GCNT4: variants seen among roughly 807,000 people sequenced by gnomAD.
GCNT4 encodes glucosaminyl (N-acetyl) transferase 4, also known as beta-1,3-galactosyl-O-glycosyl-glycoprotein beta-1,6-N-acetylglucosaminyltransferase 4.
Under a neutral mutation model 31.3 loss-of-function variants are expected in GCNT4, and 17 were observed. That is an observed-to-expected ratio of 0.54 (90% CI 0.37 to 0.81). The LOEUF is 0.81. GCNT4 is among the 40% of genes least tolerant of loss of function. The pLI is 0.00. For missense variants in GCNT4, 503 were observed against 525.5 expected, an observed-to-expected ratio of 0.96 and a Z score of 0.42; for synonymous variants, 158 against 190.6, an observed-to-expected ratio of 0.83 and a Z score of 1.41.
At chr5:75,041,887 T>C (rs1420206222) in intron 3 of GCNT4, among the ~76,000 whole-genome samples, 2 of 152,192 alleles carry the variant, frequency 1.3e-5, no homozygotes. Context: ...ACAATGAAAC[T>C]GAATGAAAAG....
chr5:75,020,379 G>A (rs890921215), downstream of GCNT4, among the ~76,000 whole-genome samples: 8 of 152,164 alleles, frequency 5.3e-5, no homozygotes, highest in Admixed American at 2.0e-4. Context: ...GCAGACAGAG[G>A]GGGAGCCAGG....
rs1351783123 is a variant in GCNT4, at chr5:75,027,338, A to AT, written c.*1337dup. ...TATATATAATATATATTCATATACAATATATGTATATATAATATATATATT... is the reference window on the plus strand; with the variant it reads ...TATATATAATATATATTCATATACAATTATATGTATATATAATATATATATT... On this transcript the variant is annotated 3_prime_UTR_variant, in exon 4 of 4. Transcript: ENST00000652361. The AT allele has an allele frequency of 3.5e-5, 1 of 28,612 alleles. No homozygotes were observed. Among genetic ancestry groups the AT allele is most frequent in the Non-Finnish European group, 4.9e-5 (1 of 20,520 alleles). The allele number at this position is 28,612 out of a possible 1,614,324, so 1.8% of individuals were successfully genotyped here.
rs55942109 is a variant in GCNT4, at chr5:75,032,872, G to GGTGGGGGTGTGT, written c.-1-2835_-1-2834insACACACCCCCAC. 1.6e-4 allele frequency among the ~76,000 whole-genome samples: 21 copies of GGTGGGGGTGTGT among 130,760 alleles called. No individual in the cohort carries two copies. The South Asian group carries it at 3.2e-3, about 20-fold the overall frequency. 85.8% of individuals were successfully genotyped at this position (130,760 alleles called of 152,430 possible). ...AGAAGACTAATCAATCCCAAATAGG[G>GGTGGGGGTGTGT]GTGTGTGTGTGTGTGTGTGTGTGTG... On this transcript the variant is annotated intron_variant, in intron 3 of 3. Coordinates refer to ENST00000652361, the MANE Select transcript of GCNT4 (RefSeq NM_001366737.1).
intron 3 of GCNT4, among the ~76,000 whole-genome samples, chr5:75,036,504 G>T (rs146619304): frequency 6.6e-6 from 1 of 152,260 alleles, no homozygotes; most frequent in Non-Finnish European, 1.5e-5. Flanking sequence ...AGAATATAAA[G>T]AAAAAATTCT....
At chr5:75,045,737 G>A (rs769092447) in intron 3 of GCNT4, among the ~76,000 whole-genome samples, 37 of 152,180 alleles carry the variant, frequency 2.4e-4, no homozygotes, top group Non-Finnish European at 4.4e-4. Context: ...CATGTGCTAG[G>A]GAGGCACTGT....
At chr5:75,033,593 T>C (rs1210035972) in intron 3 of GCNT4, among the ~76,000 whole-genome samples, 2 of 152,066 alleles carry the variant, frequency 1.3e-5, no homozygotes, top group African/African-American at 4.8e-5. Flanking sequence ...CCCTCTCCAA[T>C]ATTACCCTGT....
In GCNT4 at chr5:75,028,642, C is replaced by T. The variant is rs772111955; in HGVS notation, c.*34G>A. On this transcript the variant is annotated 3_prime_UTR_variant, in exon 4 of 4. Coordinates refer to ENST00000652361, the MANE Select transcript of GCNT4 (RefSeq NM_001366737.1). ...TCAATTCCACACTGACTCCATTTAT[C>T]AGGCACCCTCTTATTTCCATCCTGA... 9.6e-6 allele frequency: 15 copies of T among 1,569,180 alleles called. No homozygotes were observed. The highest frequency in any genetic ancestry group is 8.6e-7 in the Non-Finnish European group (1 of 1,156,382).
At chr5:75,051,116 G>T (rs1743560357) in intron 2 of GCNT4, among the ~76,000 whole-genome samples, 1 of 151,936 alleles carries the variant, frequency 6.6e-6, no homozygotes, top group Non-Finnish European at 1.5e-5. Flanking sequence ...CTCTCCTCTG[G>T]TCTCAGCACA....
rs1742941995 is a variant in GCNT4 at position 75,026,244 on chromosome 5, G to A, written c.*2432C>T. ...CAGGAGGCAAGACAGTGGATCAGGA[G>A]GTTATTTGTTTTTCAGCATTTACGT... On this transcript the variant is annotated 3_prime_UTR_variant, in exon 4 of 4. Coordinates refer to ENST00000652361, the MANE Select transcript of GCNT4 (RefSeq NM_001366737.1). 1 of 152,170 alleles carries A rather than the reference G, an allele frequency of 6.6e-6. No individual in the cohort carries two copies. Among genetic ancestry groups the A allele is most frequent in the Admixed American group, 6.5e-5 (1 of 15,284 alleles). 9.4% of individuals were successfully genotyped at this position (152,170 alleles called of 1,614,324 possible). A position where few individuals can be genotyped will look rare whatever the true frequency, so the allele number is the denominator to read the frequency against.
chr5:75,033,385 A>G (rs1743118797), intron 3 of GCNT4, among the ~76,000 whole-genome samples: 1 of 152,220 alleles, frequency 6.6e-6, no homozygotes, highest in Non-Finnish European at 1.5e-5. Flanking sequence ...GGAGGCACCC[A>G]GTGAGAAGTC....
chr5:75,021,369 C>T (rs905185861), downstream of GCNT4, among the ~76,000 whole-genome samples: 2 of 152,186 alleles, frequency 1.3e-5, no homozygotes, highest in African/African-American at 4.8e-5. Context: ...CCCTGATTAG[C>T]CCCGTTTAGA....
chr5:75,049,320 T>TA (rs1743514450), intron 2 of GCNT4, among the ~76,000 whole-genome samples: 1 of 152,200 alleles, frequency 6.6e-6, no homozygotes, highest in Non-Finnish European at 1.5e-5. Flanking sequence ...ATTTTTCTGT[T>TA]ACGTTCAGCA....
rs1282734554 is a variant in GCNT4, at chr5:75,029,557, A to C, written c.481T>G (p.Cys161Gly). The change falls in exon 4 of 4, where the codon TGC (cysteine) becomes GGC (glycine). Residue 161 changes from cysteine to glycine, a missense_variant. Coordinates refer to ENST00000652361, the MANE Select transcript of GCNT4 (RefSeq NM_001366737.1). ...HAIYNQHNIY[C>G]IHYDRKAPDT... The stretch of plus-strand genomic sequence containing the variant: ...GGTGCCTTACGATCATAATGGATGC[A>C]GTAAATATTGTGCTGGTTGTATATA... 2 of 1,614,078 alleles carry C rather than the reference A, an allele frequency of 1.2e-6. No individual in the cohort carries two copies. Among genetic ancestry groups the C allele is most frequent in the Non-Finnish European group, 1.7e-6 (2 of 1,180,040 alleles).
the GCNT4 span, chr5:75,017,649 G>C: frequency 1.1e-3 from 165 of 152,378 alleles, 1 homozygote; most frequent in African/African-American, 3.8e-3. Flanking sequence ...GGAGAGCAAA[G>C]GTGAGGGACA....
chr5:75,052,336 T>G (rs1157343897), intron 1 of GCNT4, 93 bp downstream of exon 1: 5 of 150,464 alleles, frequency 3.3e-5, no homozygotes, highest in African/African-American at 1.2e-4. Flanking sequence ...GAGGGGACAA[T>G]ACACTGTTTC....
At chr5:75,038,217 A>C (rs1415660198) in intron 3 of GCNT4, among the ~76,000 whole-genome samples, 2 of 152,226 alleles carry the variant, frequency 1.3e-5, no homozygotes, top group African/African-American at 4.8e-5. Context: ...ACAGAGGTAA[A>C]CATACTTTTC....
intron 2 of GCNT4, among the ~76,000 whole-genome samples, chr5:75,051,548 A>T (rs1240534157): frequency 6.6e-6 from 1 of 152,304 alleles, no homozygotes; most frequent in Admixed American, 6.5e-5. Context: ...GATGAGGCAG[A>T]AACAGCACCG....
chr5:75,036,617 C>G (rs868616908), intron 3 of GCNT4, among the ~76,000 whole-genome samples: 23 of 151,314 alleles, frequency 1.5e-4, no homozygotes, highest in African/African-American at 5.2e-4. Context: ...CAAACATGGT[C>G]GAGGAGATCT....
At position 75,026,827 on chromosome 5, in the gene GCNT4, CT is replaced by C. The variant is rs1172362351; in HGVS notation, c.*1848del. The C allele has an allele frequency of 2.6e-5, 4 of 151,876 alleles. No homozygotes were observed. The highest frequency in any genetic ancestry group is 1.3e-4 in the Admixed American group (2 of 15,248). The allele number at this position is 151,876 out of a possible 1,614,324, so 9.4% of individuals were successfully genotyped here. On this transcript the variant is annotated 3_prime_UTR_variant, in exon 4 of 4. Coordinates refer to ENST00000652361, the MANE Select transcript of GCNT4 (RefSeq NM_001366737.1). ...AGAACTTGGCTCTATACAATGTTTACTTATTTTGAAGAATGGGGCTTGGTAA... is the reference window on the plus strand; with the variant it reads ...AGAACTTGGCTCTATACAATGTTTACTATTTTGAAGAATGGGGCTTGGTAA...
Sources: gnomAD v4.1 joint callset for allele counts (sites outside exome capture counted in the v4.1 genomes callset) on GRCh38, gnomAD v4.1.1 for gene constraint, MANE v1.5 for transcripts, NCBI Gene and HGNC (gene_info 2026-07-23, HGNC 2026-07-21) for gene names.